AHCTF1: variants seen among roughly 807,000 people sequenced by gnomAD.
AHCTF1 encodes the protein AT-hook containing transcription factor 1.
AHCTF1 carries 24 observed loss-of-function variants against 248.4 expected under a neutral mutation model. The observed-to-expected ratio is 0.10, with a 90% CI of 0.07 to 0.14. The LOEUF (loss-of-function observed/expected upper bound fraction) is 0.14. Among genes scored for constraint, AHCTF1 ranks in the 10% least tolerant of loss-of-function variants. The pLI is 1.00. For missense variants in AHCTF1, 2,206 were observed against 2,636.2 expected, an observed-to-expected ratio of 0.84 and a Z score of 3.57; for synonymous variants, 786 against 929.8, an observed-to-expected ratio of 0.85 and a Z score of 2.81.
chr1:246,918,451 A>G, intron 1 of AHCTF1, 74 bp from the exon 2 acceptor site: 2 of 1,332,874 alleles, frequency 1.5e-6, no homozygotes, highest in Non-Finnish European at 2.0e-6. Context: ...TCCAGCCAGG[A>G]AAAACAGTAA....
intron 21 of AHCTF1, among the ~76,000 whole-genome samples, chr1:246,881,811 C>T (rs751596748): frequency 1.8e-4 from 26 of 146,656 alleles, no homozygotes; most frequent in Non-Finnish European, 2.8e-4. Context: ...GCACCCCAGC[C>T]TGGGTAACAG....
At chr1:246,931,460 C>A (rs1022148934) in intron 1 of AHCTF1, 118 bp downstream of exon 1, 4 of 1,078,990 alleles carry the variant, frequency 3.7e-6, no homozygotes, top group Non-Finnish European at 4.6e-6. Context: ...CTAGGCCCGG[C>A]GCTCGCGGGG....
chr1:246,860,857 G>T, intron 29 of AHCTF1, 42 bp downstream of exon 29: 1 of 1,577,012 alleles, frequency 6.3e-7, no homozygotes, highest in Non-Finnish European at 8.6e-7. Context: ...TTTATTGAGG[G>T]ACATTAATAA....
rs762171853 is a variant in AHCTF1 at position 246,842,697 on chromosome 1, C to T, written c.6605G>A (p.Ser2202Asn). ...RIRTSKTKQA[S>N]KNTEKESAWS... ...AGAACAGAACAGAAAGTCATACTTG[C>T]TTGCTTGTTTTGTTTTTGACGTCCT... Residue 2202 changes from serine (S) to asparagine (N), a missense_variant, in exon 35 of 36, where the codon AGC becomes AAC. Ser to Asn is a conservative substitution (Grantham distance 46, BLOSUM62 1). Coordinates refer to ENST00000648844, the MANE Select transcript of AHCTF1 (RefSeq NM_001323342.2). 4 of 1,613,016 alleles carry T rather than the reference C, an allele frequency of 2.5e-6. No individual in the cohort carries two copies. Among genetic ancestry groups the T allele is most frequent in the Non-Finnish European group, 2.5e-6 (3 of 1,179,834 alleles).
intron 1 of AHCTF1, chr1:246,931,337 C>T: frequency 6.5e-7 from 1 of 1,544,796 alleles, no homozygotes; most frequent in South Asian, 1.2e-5. Flanking sequence ...TGTGCCGCCG[C>T]TCCTCCGGTC....
chr1:246,844,336 G>C (rs1374729399), intron 33 of AHCTF1, among the ~76,000 whole-genome samples: 1 of 152,178 alleles, frequency 6.6e-6, no homozygotes, highest in East Asian at 1.9e-4. Context: ...TACAAAGTAG[G>C]TTTTTTATTT....
chr1:246,874,628 C>T (rs778053682), intron 24 of AHCTF1, among the ~76,000 whole-genome samples: 16 of 152,244 alleles, frequency 1.1e-4, no homozygotes, highest in Non-Finnish European at 2.2e-4. Flanking sequence ...TAACTTATCC[C>T]TACGTCTTGA....
intron 33 of AHCTF1, among the ~76,000 whole-genome samples, chr1:246,845,380 T>C (rs7520969): frequency 6.6e-6 from 1 of 151,634 alleles, no homozygotes; most frequent in Non-Finnish European, 1.5e-5. Context: ...AAAAGAAAAA[T>C]AGAGTTGATA....
In AHCTF1 at chr1:246,915,775, A is replaced by G. The variant is rs58383973; in HGVS notation, c.375+367T>C. On this transcript the variant is annotated intron_variant, in intron 3 of 35. Coordinates refer to ENST00000648844, the MANE Select transcript of AHCTF1 (RefSeq NM_001323342.2). Reference sequence around the variant, plus strand: ...GGTAAAAACATTTTAAAAATTGAATAGTAATGAATACATTTTTATAAACTT... The same window carrying G: ...GGTAAAAACATTTTAAAAATTGAATGGTAATGAATACATTTTTATAAACTT... Among the ~76,000 whole-genome samples the G allele has an allele frequency of 2.1e-3, 320 of 152,356 alleles. 1 individual carries two copies. Among genetic ancestry groups the G allele is most frequent in the African/African-American group, 7.4e-3 (306 of 41,596 alleles).
chr1:246,914,242 C>T (rs144481579), intron 3 of AHCTF1, among the ~76,000 whole-genome samples: 32 of 152,260 alleles, frequency 2.1e-4, no homozygotes, highest in African/African-American at 5.1e-4. Flanking sequence ...GTGATTTCTA[C>T]GCTAATACAG....
chr1:246,914,664 A>G (rs142609455), intron 3 of AHCTF1, among the ~76,000 whole-genome samples: 2 of 152,322 alleles, frequency 1.3e-5, no homozygotes, highest in East Asian at 3.9e-4. Flanking sequence ...AAAAATAAAC[A>G]TAATGAGTGT....
intron 21 of AHCTF1, 136 bp from the exon 22 acceptor site, chr1:246,877,438 G>T: frequency 1.1e-6 from 1 of 943,326 alleles, no homozygotes; most frequent in Non-Finnish European, 1.5e-6. Flanking sequence ...TTAAAAATTT[G>T]TTGAATACTA....
rs113767945 is a variant in AHCTF1, at chr1:246,853,227, C to G, written c.4427G>C (p.Arg1476Pro). The change falls in exon 32 of 36, where the codon CGC becomes CCC. Residue 1476 changes from arginine to proline, a missense_variant. Coordinates refer to ENST00000648844, the MANE Select transcript of AHCTF1 (RefSeq NM_001323342.2). ...TISEGPIVSE[R>P]RLNQEVALNL... ...CAGCGCTACTTCCTGGTTAAGCCTGCGCTCAGAGACAATAGGACCTTCAGA... is the reference window on the plus strand; with the variant it reads ...CAGCGCTACTTCCTGGTTAAGCCTGGGCTCAGAGACAATAGGACCTTCAGA... 6.2e-7 allele frequency: 1 copy of G among 1,613,586 alleles called. No homozygotes were observed. Among genetic ancestry groups the G allele is most frequent in the Non-Finnish European group, 8.5e-7 (1 of 1,179,856 alleles).
chr1:246,868,948 C>G (rs189171214), intron 24 of AHCTF1, among the ~76,000 whole-genome samples: 16 of 150,622 alleles, frequency 1.1e-4, no homozygotes, highest in South Asian at 4.2e-4. Flanking sequence ...GGGTTCACGC[C>G]ATTCTCCTGC....
At chr1:246,921,662 G>C (rs1309566053) in intron 1 of AHCTF1, among the ~76,000 whole-genome samples, 1 of 151,984 alleles carries the variant, frequency 6.6e-6, no homozygotes, top group East Asian at 1.9e-4. Flanking sequence ...TGAATCCTAG[G>C]AACTACCAAA....
At chr1:246,875,172 G>T (rs891036106) in intron 24 of AHCTF1, among the ~76,000 whole-genome samples, 7 of 151,744 alleles carry the variant, frequency 4.6e-5, no homozygotes, top group Non-Finnish European at 7.4e-5. Flanking sequence ...TACACAACTG[G>T]GACCACTCCC....
At chr1:246,902,120 T>TA (rs1240025982) in intron 8 of AHCTF1, among the ~76,000 whole-genome samples, 1 of 151,916 alleles carries the variant, frequency 6.6e-6, no homozygotes, top group Non-Finnish European at 1.5e-5. Context: ...AATCTTGGCT[T>TA]AAAAAACCGA....
At chr1:246,885,063 C>T (rs1304669249) in intron 21 of AHCTF1, among the ~76,000 whole-genome samples, 1 of 152,146 alleles carries the variant, frequency 6.6e-6, no homozygotes, top group East Asian at 1.9e-4. Context: ...CTCAATTTGG[C>T]GCCCCTCCCT....
chr1:246,919,124 T>G (rs981831941), intron 1 of AHCTF1, among the ~76,000 whole-genome samples: 4 of 152,200 alleles, frequency 2.6e-5, no homozygotes, highest in Admixed American at 2.6e-4. Context: ...ATTTTAGCCA[T>G]CTGAGTTGGT....
Sources: gnomAD v4.1 joint callset for allele counts (sites outside exome capture counted in the v4.1 genomes callset) on GRCh38, gnomAD v4.1.1 for gene constraint, MANE v1.5 for transcripts, NCBI Gene and HGNC (gene_info 2026-07-23, HGNC 2026-07-21) for gene names.